The following PXDNL variants were observed in gnomAD, a reference collection of about 807,000 sequenced individuals.
PXDNL encodes the protein peroxidasin like, also known as probable oxidoreductase PXDNL.
PXDNL carries 145 observed loss-of-function variants against 150.8 expected under a neutral mutation model. The ratio of observed to expected loss-of-function variants is 0.96; its 90% CI spans 0.84 to 1.10. The LOEUF (loss-of-function observed/expected upper bound fraction) is 1.10. Among genes scored for constraint, PXDNL ranks in the 50% least tolerant of loss-of-function variants. The pLI is 0.00. For synonymous variants in PXDNL, 757 were observed against 725.7 expected (o/e 1.04, Z -0.69); for missense variants, 2,087 against 1,873.9 (o/e 1.11, Z -2.10).
At chr8:51,738,383 C>T (rs763355687) in intron 1 of PXDNL, among the ~76,000 whole-genome samples, 6 of 152,202 alleles carry the variant, frequency 3.9e-5, no homozygotes, top group Non-Finnish European at 7.3e-5. Flanking sequence ...TATGCATATC[C>T]AGTATGTGAC....
chr8:51,735,554 T>G (rs1473122152), intron 1 of PXDNL, among the ~76,000 whole-genome samples: 15 of 133,622 alleles, frequency 1.1e-4, no homozygotes, highest in South Asian at 9.5e-4. Flanking sequence ...TTTTTTTTTT[T>G]TTTTTTTTTT....
chr8:51,792,247 G>A (rs982255493), intron 1 of PXDNL, among the ~76,000 whole-genome samples: 1 of 152,016 alleles, frequency 6.6e-6, no homozygotes, highest in African/African-American at 2.4e-5. Context: ...CTCTCACTGG[G>A]ACTGACTAGG....
intron 5 of PXDNL, among the ~76,000 whole-genome samples, chr8:51,495,710 C>A (rs973369011): frequency 4.6e-5 from 7 of 152,142 alleles, no homozygotes; most frequent in African/African-American, 1.7e-4. Context: ...GACACATACA[C>A]CCTCCCAAGA....
intron 12 of PXDNL, chr8:51,436,333 A>C: frequency 2.2e-6 from 1 of 456,802 alleles, no homozygotes; most frequent in Non-Finnish European, 4.5e-6. Context: ...CATAAACATT[A>C]TTCAGGGAAG....
intron 19 of PXDNL, among the ~76,000 whole-genome samples, chr8:51,351,104 A>G (rs1188022201): frequency 6.6e-6 from 1 of 152,190 alleles, no homozygotes; most frequent in Non-Finnish European, 1.5e-5. Flanking sequence ...TCACTTTCTT[A>G]TTACAATTGC....
At chr8:51,535,731 A>T (rs1321592302) in intron 4 of PXDNL, among the ~76,000 whole-genome samples, 2 of 123,772 alleles carry the variant, frequency 1.6e-5, no homozygotes, top group African/African-American at 8.6e-5. Context: ...ATAAATAAAT[A>T]AATAAATAAA....
chr8:51,730,134 A>T (rs748936387), intron 1 of PXDNL, among the ~76,000 whole-genome samples: 20 of 152,146 alleles, frequency 1.3e-4, no homozygotes, highest in Non-Finnish European at 2.2e-4. Flanking sequence ...TTAAGTAATA[A>T]ATATGTGTCA....
intron 1 of PXDNL, among the ~76,000 whole-genome samples, chr8:51,742,495 G>A (rs2036917176): frequency 6.6e-6 from 1 of 151,862 alleles, no homozygotes; most frequent in African/African-American, 2.4e-5. Context: ...TACCATTAAG[G>A]GATACCGAGT....
intron 1 of PXDNL, among the ~76,000 whole-genome samples, chr8:51,691,451 T>G (rs148527579): frequency 0.027 from 4,090 of 152,214 alleles, 187 homozygotes; most frequent in African/African-American, 0.093. Context: ...GCTTGTTTTT[T>G]TCAGGTTTGT....
At chr8:51,800,965 G>C (rs2037612654) in intron 1 of PXDNL, among the ~76,000 whole-genome samples, 1 of 152,194 alleles carries the variant, frequency 6.6e-6, no homozygotes, top group Non-Finnish European at 1.5e-5. Flanking sequence ...GAATAGCAGT[G>C]ATTTTAGGGA....
intron 1 of PXDNL, among the ~76,000 whole-genome samples, chr8:51,681,917 C>T (rs537282713): frequency 6.6e-6 from 1 of 152,224 alleles, no homozygotes; most frequent in South Asian, 2.1e-4. Flanking sequence ...ATACAAATGA[C>T]AGCAGATAGG....
At chr8:51,385,553 G>A (rs760160383) in intron 17 of PXDNL, among the ~76,000 whole-genome samples, 27 of 152,126 alleles carry the variant, frequency 1.8e-4, no homozygotes, top group Non-Finnish European at 3.2e-4. Context: ...ACTAAAAAAC[G>A]ACTAATTAAC....
intron 4 of PXDNL, among the ~76,000 whole-genome samples, chr8:51,508,700 G>A (rs1283023927): frequency 6.6e-6 from 1 of 152,104 alleles, no homozygotes; most frequent in Middle Eastern, 3.2e-3. Flanking sequence ...TACCCACATT[G>A]CACAGCCAGC....
At chr8:51,558,732 ACTT>A (rs1812649051) in intron 3 of PXDNL, among the ~76,000 whole-genome samples, 1 of 152,058 alleles carries the variant, frequency 6.6e-6, no homozygotes, top group Non-Finnish European at 1.5e-5. Context: ...AAAGAGCAGA[ACTT>A]CTGCAATCAG....
intron 2 of PXDNL, among the ~76,000 whole-genome samples, chr8:51,616,330 TGAGA>T (rs1442714715): frequency 6.6e-6 from 1 of 152,176 alleles, no homozygotes; most frequent in Non-Finnish European, 1.5e-5. Context: ...TAGGTTTGTC[TGAGA>T]GAGAACACCA....
chr8:51,774,204 T>C (rs1167842134), intron 1 of PXDNL, among the ~76,000 whole-genome samples: 1 of 152,222 alleles, frequency 6.6e-6, no homozygotes, highest in Non-Finnish European at 1.5e-5. Context: ...GTTTAAACTG[T>C]GATTTGCATT....
At chr8:51,635,634 A>G (rs1168452521) in intron 2 of PXDNL, among the ~76,000 whole-genome samples, 2 of 152,028 alleles carry the variant, frequency 1.3e-5, no homozygotes, top group Non-Finnish European at 2.9e-5. Context: ...GAAATAGACA[A>G]ATTACAAAAA....
chr8:51,590,979 T>C (rs1316971216), intron 3 of PXDNL, among the ~76,000 whole-genome samples: 2 of 152,204 alleles, frequency 1.3e-5, no homozygotes, highest in Non-Finnish European at 2.9e-5. Flanking sequence ...AAAACTCATA[T>C]AGAAATTTAA....
intron 1 of PXDNL, among the ~76,000 whole-genome samples, chr8:51,804,627 G>C (rs2129265591): frequency 6.6e-6 from 1 of 152,222 alleles, no homozygotes; most frequent in African/African-American, 2.4e-5. Context: ...CCACAGCTTT[G>C]CTGCCTCAGG....
Sources: allele counts gnomAD v4.1 joint callset (sites outside exome capture counted in the v4.1 genomes callset), GRCh38; gene constraint gnomAD v4.1.1; transcripts MANE v1.5; gene names NCBI Gene and HGNC (gene_info 2026-07-23, HGNC 2026-07-21).